HPSE2: variants seen among roughly 807,000 people sequenced by gnomAD.
HPSE2 encodes the protein inactive heparanase-2.
A neutral mutation model predicts 60.5 loss-of-function variants in HPSE2; 38 were observed. The observed-to-expected ratio is 0.63, with a 90% CI of 0.48 to 0.82. HPSE2 has a LOEUF of 0.82. Among genes scored for constraint, HPSE2 ranks in the 40% least tolerant of loss-of-function variants. The probability of loss-of-function intolerance (pLI) is 0.00; values close to 1 mark genes in which losing one functional copy is unlikely to be tolerated. For missense variants in HPSE2, 713 were observed against 740.4 expected (o/e 0.96, Z 0.43); for synonymous variants, 295 against 293.2 (o/e 1.01, Z -0.06).
intron 3 of HPSE2, among the ~76,000 whole-genome samples, chr10:99,137,469 C>T (rs563262021): frequency 3.3e-5 from 5 of 152,312 alleles, no homozygotes; most frequent in Middle Eastern, 3.4e-3. Context: ...AAGCTGGAGG[C>T]ATCATGCTAC....
At chr10:98,725,525 C>G (rs1457854564) in intron 4 of HPSE2, among the ~76,000 whole-genome samples, 3 of 152,102 alleles carry the variant, frequency 2.0e-5, no homozygotes, top group Non-Finnish European at 2.9e-5. Flanking sequence ...AGACCTAAAA[C>G]CATAAAAACC....
chr10:98,662,114 C>T (rs1009342655), intron 6 of HPSE2, among the ~76,000 whole-genome samples: 24 of 152,074 alleles, frequency 1.6e-4, no homozygotes, highest in African/African-American at 5.8e-4. Context: ...AGGATGGTCT[C>T]GATCTCCTGA....
chr10:98,827,941 C>G (rs866265080), intron 3 of HPSE2, among the ~76,000 whole-genome samples: 31 of 152,206 alleles, frequency 2.0e-4, no homozygotes, highest in African/African-American at 7.2e-4. Flanking sequence ...GCAGATTACT[C>G]TCCATAATGT....
At chr10:99,007,033 C>T (rs1020391111) in intron 3 of HPSE2, among the ~76,000 whole-genome samples, 4 of 151,942 alleles carry the variant, frequency 2.6e-5, no homozygotes, top group African/African-American at 9.7e-5. Context: ...AAGACCAGGG[C>T]TTTAGAGGCC....
At chr10:98,951,616 A>G (rs1314692761) in intron 3 of HPSE2, among the ~76,000 whole-genome samples, 1 of 152,228 alleles carries the variant, frequency 6.6e-6, no homozygotes, top group Non-Finnish European at 1.5e-5. Flanking sequence ...AAAATGTGAC[A>G]GTGGCTTTAC....
chr10:99,194,902 T>C (rs1848341877), intron 2 of HPSE2, among the ~76,000 whole-genome samples: 1 of 152,034 alleles, frequency 6.6e-6, no homozygotes, highest in Non-Finnish European at 1.5e-5. Flanking sequence ...AAGGCCAGGA[T>C]TATCTTGATA....
Position 98,848,034 on chromosome 10 carries a change from C to T in HPSE2, c.611-103978G>A, listed in dbSNP as rs534342437. Among the ~76,000 whole-genome samples, 34 of 152,288 alleles carry T rather than the reference C, an allele frequency of 2.2e-4. 2 individuals carry two copies. The South Asian group carries it at 7.0e-3, about 32-fold the overall frequency. On this transcript the variant is annotated intron_variant, in intron 3 of 11. Coordinates refer to ENST00000370552, the MANE Select transcript of HPSE2 (RefSeq NM_021828.5). ...TAAAATAATTCAGGTGAAAAATAGTCGTTAAAAGATTAAAACTCAGAGTAA... is the reference window on the plus strand; with the variant it reads ...TAAAATAATTCAGGTGAAAAATAGTTGTTAAAAGATTAAAACTCAGAGTAA...
intron 7 of HPSE2, among the ~76,000 whole-genome samples, chr10:98,627,474 T>C (rs1002332435): frequency 7.2e-5 from 11 of 152,160 alleles, no homozygotes; most frequent in Non-Finnish European, 1.5e-4. Context: ...CAGAATTCTC[T>C]TCTGACTTGC....
chr10:98,608,403 T>C (rs1486314022), intron 9 of HPSE2, among the ~76,000 whole-genome samples: 1 of 152,164 alleles, frequency 6.6e-6, no homozygotes, highest in Non-Finnish European at 1.5e-5. Context: ...CGACATCCTG[T>C]GCACACCGCT....
chr10:99,186,219 GA>G (rs1192311274), intron 2 of HPSE2, among the ~76,000 whole-genome samples: 1 of 149,620 alleles, frequency 6.7e-6, no homozygotes, highest in Non-Finnish European at 1.5e-5. Flanking sequence ...GCAGCCAAAG[GA>G]AAAAGATACA....
intron 9 of HPSE2, among the ~76,000 whole-genome samples, chr10:98,611,558 A>T (rs1302962005): frequency 6.6e-6 from 1 of 152,202 alleles, no homozygotes; most frequent in Non-Finnish European, 1.5e-5. Flanking sequence ...TTTTATTGGC[A>T]GTGTTTAGTT....
chr10:99,245,987 T>C, the HPSE2 span, among the ~76,000 whole-genome samples: 1 of 152,164 alleles, frequency 6.6e-6, no homozygotes, highest in African/African-American at 2.4e-5. Flanking sequence ...TTAAATACAA[T>C]GATAGGTGAG....
chr10:98,727,918 A>C (rs1408433705), intron 4 of HPSE2, among the ~76,000 whole-genome samples: 1 of 152,196 alleles, frequency 6.6e-6, no homozygotes, highest in Non-Finnish European at 1.5e-5. Flanking sequence ...GAAAGAAAAC[A>C]AAACAAAACT....
At chr10:99,297,379 A>C in the HPSE2 span, among the ~76,000 whole-genome samples, 4 of 152,364 alleles carry the variant, frequency 2.6e-5, no homozygotes, top group South Asian at 6.2e-4. Context: ...CACTCTGGTG[A>C]AGAGGTGACT....
chr10:98,547,800 T>TATA (rs983286908), intron 9 of HPSE2, among the ~76,000 whole-genome samples: 3 of 151,354 alleles, frequency 2.0e-5, no homozygotes, highest in Non-Finnish European at 4.4e-5. Flanking sequence ...AAACTTAAAG[T>TATA]ATAATAATAA....
intron 7 of HPSE2, among the ~76,000 whole-genome samples, chr10:98,639,941 A>G (rs999964062): frequency 6.6e-6 from 1 of 152,222 alleles, no homozygotes; most frequent in Non-Finnish European, 1.5e-5. Context: ...CTATTGTAAT[A>G]TAAACACTTA....
intron 9 of HPSE2, among the ~76,000 whole-genome samples, chr10:98,508,560 C>T (rs1452928571): frequency 2.0e-5 from 3 of 152,118 alleles, no homozygotes; most frequent in Non-Finnish European, 2.9e-5. Flanking sequence ...AGTCCTTAAG[C>T]CAATGAGTTA....
At chr10:98,943,750 C>G (rs1955095433) in intron 3 of HPSE2, among the ~76,000 whole-genome samples, 1 of 152,146 alleles carries the variant, frequency 6.6e-6, no homozygotes, top group Non-Finnish European at 1.5e-5. Flanking sequence ...CATTGACCAA[C>G]AGCTAGATAG....
chr10:98,987,246 A>G (rs918604884), intron 3 of HPSE2, among the ~76,000 whole-genome samples: 2 of 152,232 alleles, frequency 1.3e-5, no homozygotes, highest in African/African-American at 4.8e-5. Flanking sequence ...AAAAATCCTC[A>G]ATAAAATACT....
Sources: gnomAD v4.1 joint callset for allele counts (sites outside exome capture counted in the v4.1 genomes callset) on GRCh38, gnomAD v4.1.1 for gene constraint, MANE v1.5 for transcripts, NCBI Gene and HGNC (gene_info 2026-07-23, HGNC 2026-07-21) for gene names.